FSHR: variants seen among roughly 807,000 people sequenced by gnomAD.
FSHR encodes follicle-stimulating hormone receptor.
In FSHR, 46 loss-of-function variants were observed where a neutral mutation model predicts 52.1. That is an observed-to-expected ratio of 0.88 (90% CI 0.70 to 1.13). The LOEUF (loss-of-function observed/expected upper bound fraction) is 1.13. Ranked by LOEUF, FSHR falls within the 50% of genes most tolerant of loss-of-function variation. FSHR has a pLI of 0.00. For missense variants in FSHR, 964 were observed against 834.6 expected, an observed-to-expected ratio of 1.16 and a Z score of -1.91; for synonymous variants, 399 against 309.6, an observed-to-expected ratio of 1.29 and a Z score of -3.03.
intron 1 of FSHR, among the ~76,000 whole-genome samples, chr2:49,113,303 A>G (rs1035638146): frequency 6.6e-6 from 1 of 152,182 alleles, no homozygotes; most frequent in Admixed American, 6.6e-5. Context: ...AGATGGCTGT[A>G]TGCAGCTCTG....
intron 2 of FSHR, among the ~76,000 whole-genome samples, chr2:49,043,675 G>C (rs1012028665): frequency 6.6e-6 from 1 of 152,110 alleles, no homozygotes; most frequent in Non-Finnish European, 1.5e-5. Flanking sequence ...CAAATGTTCC[G>C]ATGAATTCAG....
intron 2 of FSHR, among the ~76,000 whole-genome samples, chr2:49,022,621 C>T (rs891098578): frequency 6.6e-6 from 1 of 152,096 alleles, no homozygotes; most frequent in African/African-American, 2.4e-5. Context: ...AATAAATGGT[C>T]CCACCTGTAT....
At chr2:49,096,606 T>C (rs186933171) in intron 1 of FSHR, among the ~76,000 whole-genome samples, 9 of 152,320 alleles carry the variant, frequency 5.9e-5, no homozygotes, top group East Asian at 5.8e-4. Context: ...AATTTTATGG[T>C]ATATGAATAT....
chr2:49,127,883 C>G (rs1572781912), intron 1 of FSHR, among the ~76,000 whole-genome samples: 1 of 34,228 alleles, frequency 2.9e-5, no homozygotes, highest in African/African-American at 2.1e-4. Flanking sequence ...TCTTCTTCTT[C>G]TTCTTCTTCT....
intron 2 of FSHR, among the ~76,000 whole-genome samples, chr2:49,021,316 A>G (rs1452027134): frequency 6.6e-6 from 1 of 152,148 alleles, no homozygotes; most frequent in Non-Finnish European, 1.5e-5. Context: ...TTGTGAGGAG[A>G]GAGGGCAGCT....
intron 2 of FSHR, among the ~76,000 whole-genome samples, chr2:49,048,659 C>T (rs1206115883): frequency 3.3e-5 from 5 of 152,200 alleles, no homozygotes; most frequent in Non-Finnish European, 5.9e-5. Flanking sequence ...ACCTCAGACC[C>T]ACTGGGATGG....
intron 4 of FSHR, among the ~76,000 whole-genome samples, chr2:48,999,448 A>G (rs931023365): frequency 2.0e-5 from 3 of 152,106 alleles, no homozygotes; most frequent in African/African-American, 4.8e-5. Flanking sequence ...CCTTAAAGAC[A>G]GATTCTAATT....
At chr2:48,974,918 A>G (rs1674919197) in intron 8 of FSHR, among the ~76,000 whole-genome samples, 1 of 152,180 alleles carries the variant, frequency 6.6e-6, no homozygotes, top group Non-Finnish European at 1.5e-5. Flanking sequence ...TGGCCTAAAA[A>G]TCAGATGTTT....
chr2:49,052,339 T>C (rs1668891595), intron 2 of FSHR, among the ~76,000 whole-genome samples: 1 of 152,138 alleles, frequency 6.6e-6, no homozygotes, highest in Non-Finnish European at 1.5e-5. Flanking sequence ...TATTCTTCTT[T>C]AGCTACAACA....
At chr2:49,081,509 A>C (rs148189485) in intron 1 of FSHR, among the ~76,000 whole-genome samples, 1 of 152,188 alleles carries the variant, frequency 6.6e-6, no homozygotes, top group Non-Finnish European at 1.5e-5. Context: ...TATCCCAAGC[A>C]TCATTTATTA....
chr2:49,050,509 T>C (rs1225998936), intron 2 of FSHR, among the ~76,000 whole-genome samples: 4 of 152,160 alleles, frequency 2.6e-5, no homozygotes, highest in African/African-American at 9.7e-5. Flanking sequence ...ATCCCTCTTT[T>C]ACCTTAGCAG....
At chr2:48,980,774 G>T (rs141667767) in intron 8 of FSHR, among the ~76,000 whole-genome samples, 424 of 152,214 alleles carry the variant, frequency 2.8e-3, no homozygotes, top group African/African-American at 1.0e-2. Context: ...CCTTCTAGTT[G>T]CAGTGTGATC....
At chr2:49,046,218 ATAC>A (rs997161135) in intron 2 of FSHR, among the ~76,000 whole-genome samples, 1 of 152,232 alleles carries the variant, frequency 6.6e-6, no homozygotes, top group Non-Finnish European at 1.5e-5. Context: ...GAAGATATTC[ATAC>A]TACTACTACA....
intron 2 of FSHR, among the ~76,000 whole-genome samples, chr2:49,021,741 A>T (rs1364844669): frequency 6.6e-6 from 1 of 150,652 alleles, no homozygotes. Context: ...AGCTCCTCTT[A>T]TTCCATAATA....
At chr2:49,015,675 C>A (rs934738121) in intron 4 of FSHR, among the ~76,000 whole-genome samples, 3 of 152,146 alleles carry the variant, frequency 2.0e-5, no homozygotes, top group Admixed American at 1.3e-4. Flanking sequence ...GAGAGCATAG[C>A]AAAGATTCCA....
chr2:48,982,837 C>T, intron 8 of FSHR, 75 bp downstream of exon 8: 1 of 1,272,506 alleles, frequency 7.9e-7, no homozygotes, highest in Non-Finnish European at 1.1e-6. Flanking sequence ...GAAGCTTCTC[C>T]CCTAGCTGCA....
At chr2:49,130,455 G>C (rs1290062444) in intron 1 of FSHR, among the ~76,000 whole-genome samples, 1 of 152,150 alleles carries the variant, frequency 6.6e-6, no homozygotes, top group Non-Finnish European at 1.5e-5. Flanking sequence ...CCTTCATTCT[G>C]CTCTCATGAT....
chr2:48,963,984 G>T lies in FSHR; in HGVS notation c.855-18C>A, dbSNP rs762779838. 1.9e-5 allele frequency: 30 copies of T among 1,607,868 alleles called. No individual in the cohort carries two copies. Among genetic ancestry groups the T allele is most frequent in the Non-Finnish European group, 2.5e-5 (29 of 1,178,420 alleles). On this transcript the variant is annotated intron_variant, in intron 9 of 9. Coordinates refer to ENST00000406846, the MANE Select transcript of FSHR (RefSeq NM_000145.4). Reference sequence around the variant, plus strand: ...GCTCAGAGCTAGAAAAATACAAAAAGAAATAGAATCAACATCTCAGATCCA... The same window carrying T: ...GCTCAGAGCTAGAAAAATACAAAAATAAATAGAATCAACATCTCAGATCCA...
chr2:48,988,144 C>T (rs1675602638), intron 6 of FSHR, among the ~76,000 whole-genome samples: 1 of 152,132 alleles, frequency 6.6e-6, no homozygotes, highest in South Asian at 2.1e-4. Flanking sequence ...GTCTCTGAAT[C>T]ATACAACTGA....
Sources: allele counts gnomAD v4.1 joint callset (sites outside exome capture counted in the v4.1 genomes callset), GRCh38; gene constraint gnomAD v4.1.1; transcripts MANE v1.5; gene names NCBI Gene and HGNC (gene_info 2026-07-23, HGNC 2026-07-21).